ARHGEF28: variants seen among roughly 807,000 people sequenced by gnomAD.
ARHGEF28 encodes the protein Rho guanine nucleotide exchange factor 28.
ARHGEF28 carries 152 observed loss-of-function variants against 206.6 expected under a neutral mutation model. The ratio of observed to expected loss-of-function variants is 0.74; its 90% CI spans 0.64 to 0.84. ARHGEF28 has a LOEUF of 0.84. Among genes scored for constraint, ARHGEF28 ranks in the 40% least tolerant of loss-of-function variants. ARHGEF28 has a pLI of 0.00. For synonymous variants in ARHGEF28, 763 were observed against 776.4 expected (o/e 0.98, Z 0.29); for missense variants, 2,028 against 2,073.2 (o/e 0.98, Z 0.42).
intron 9 of ARHGEF28, among the ~76,000 whole-genome samples, chr5:73,819,987 C>T (rs1035771994): frequency 6.6e-6 from 1 of 152,188 alleles, no homozygotes; most frequent in Admixed American, 6.5e-5. Context: ...TGTATCACAG[C>T]TGTTATTAAA....
At position 73,749,866 on chromosome 5, in the gene ARHGEF28, C is replaced by CA; in HGVS notation, c.68dup (p.Asn23LysfsTer6). 6.2e-7 allele frequency: 1 copy of CA among 1,613,970 alleles called. No homozygotes were observed. Among genetic ancestry groups the CA allele is most frequent in the Non-Finnish European group, 8.5e-7 (1 of 1,179,880 alleles). On this transcript the variant is annotated frameshift_variant, in exon 3 of 36. Transcript: ENST00000513042. LOFTEE classifies it high-confidence loss of function. ...AGATGATGATCTATGCGAAGTTTGA[C>CA]AAAAATGTGTATCTTCCTGAAGATG... is the stretch of plus-strand genomic sequence containing the variant.
intron 18 of ARHGEF28, among the ~76,000 whole-genome samples, chr5:73,867,386 G>T (rs1165375458): frequency 4.6e-5 from 7 of 152,184 alleles, no homozygotes; most frequent in Admixed American, 4.6e-4. Context: ...GCCCAGCTTG[G>T]CTTGCAGGCT....
intron 10 of ARHGEF28, among the ~76,000 whole-genome samples, chr5:73,837,390 A>G (rs187920140): frequency 6.6e-6 from 1 of 152,060 alleles, no homozygotes; most frequent in East Asian, 1.9e-4. Context: ...TTTATGTTTT[A>G]TAGTTTTCAG....
intron 9 of ARHGEF28, among the ~76,000 whole-genome samples, chr5:73,826,636 G>A (rs1321806376): frequency 6.6e-6 from 1 of 152,188 alleles, no homozygotes; most frequent in African/African-American, 2.4e-5. Flanking sequence ...AGTTGAAGAA[G>A]CCCTAGGCTG....
intron 2 of ARHGEF28, among the ~76,000 whole-genome samples, chr5:73,693,289 C>T (rs1747962979): frequency 6.6e-6 from 1 of 152,134 alleles, no homozygotes; most frequent in African/African-American, 2.4e-5. Context: ...TCCTGTCCTG[C>T]AACTGCCTTT....
chr5:73,654,985 T>C (rs1253983468), intron 1 of ARHGEF28, among the ~76,000 whole-genome samples: 1 of 152,202 alleles, frequency 6.6e-6, no homozygotes, highest in African/African-American at 2.4e-5. Flanking sequence ...GAAAGGTTGT[T>C]TGAATACTAA....
rs965679607 is a variant in ARHGEF28 at position 73,706,783 on chromosome 5, G to A, written c.33+21899G>A. ...TAGGGGAGGTCAAGATGCTGCCAGC[G>A]GGGCAAACAACTTCCTTGGTAGGTG... is the stretch of plus-strand genomic sequence containing the variant. On this transcript the variant is annotated intron_variant, in intron 2 of 35. Transcript: ENST00000513042. Among the ~76,000 whole-genome samples the A allele has an allele frequency of 2.0e-5, 3 of 152,264 alleles. No homozygotes were observed. The South Asian group carries it at 6.2e-4, about 32-fold the overall frequency.
At chr5:73,814,103 T>G (rs1033555425) in intron 9 of ARHGEF28, among the ~76,000 whole-genome samples, 7 of 152,130 alleles carry the variant, frequency 4.6e-5, no homozygotes, top group African/African-American at 2.4e-5. Context: ...AGTTTTCAAG[T>G]GTATAGTAAT....
chr5:73,811,007 A>G (rs1177706531), intron 9 of ARHGEF28, among the ~76,000 whole-genome samples: 1 of 152,220 alleles, frequency 6.6e-6, no homozygotes, highest in African/African-American at 2.4e-5. Context: ...TAGCATGTGT[A>G]GCAAGGAGCT....
Position 73,639,466 on chromosome 5 carries a change from A to G in ARHGEF28, c.-12+13144A>G, listed in dbSNP as rs573413359. 7.2e-5 allele frequency among the ~76,000 whole-genome samples: 11 copies of G among 152,046 alleles called. No individual in the cohort carries two copies. In the East Asian group the frequency reaches 2.1e-3, roughly 29 times the overall value. ...AGTAAAAAAATGTGTGTATGTATACATATATATGCACACCATAACTATAAA... is the reference window on the plus strand; with the variant it reads ...AGTAAAAAAATGTGTGTATGTATACGTATATATGCACACCATAACTATAAA... On this transcript the variant is annotated intron_variant, in intron 1 of 35. Transcript: ENST00000513042.
chr5:73,750,424 C>T (rs1751965216), intron 3 of ARHGEF28, among the ~76,000 whole-genome samples: 1 of 151,964 alleles, frequency 6.6e-6, no homozygotes, highest in African/African-American at 2.4e-5. Context: ...ATGGGTCTGC[C>T]TCTCCTCTGC....
rs1362530804 is a variant in ARHGEF28 at position 73,828,092 on chromosome 5, T to C, written c.1025-4246T>C. The C allele has an allele frequency of 1.3e-5, 2 of 150,686 alleles. 1 individual carries two copies. The highest frequency in any genetic ancestry group is 4.2e-4 in the South Asian group (2 of 4,764). 9.3% of individuals were successfully genotyped at this position (150,686 alleles called of 1,614,324 possible). ...AACACTTAAAAAAATGAAACTATTA[T>C]AGCTTTTCCTTTGAATAGGCTGAAA... On this transcript the variant is annotated intron_variant, in intron 9 of 35. Coordinates refer to ENST00000513042, the MANE Select transcript of ARHGEF28 (RefSeq NM_001177693.2).
At chr5:73,888,513 G>A (rs547211961) in intron 26 of ARHGEF28, among the ~76,000 whole-genome samples, 2 of 152,292 alleles carry the variant, frequency 1.3e-5, no homozygotes, top group South Asian at 4.1e-4. Flanking sequence ...CTGTGGGATG[G>A]TGAGGGCCAT....
At chr5:73,634,800 C>A (rs559458444) in intron 1 of ARHGEF28, among the ~76,000 whole-genome samples, 1 of 152,322 alleles carries the variant, frequency 6.6e-6, no homozygotes, top group East Asian at 1.9e-4. Context: ...TAAAAGGAGA[C>A]AAAATACAAA....
chr5:73,911,992 A>G (rs1288206957), intron 35 of ARHGEF28, among the ~76,000 whole-genome samples: 2 of 152,146 alleles, frequency 1.3e-5, no homozygotes, highest in Non-Finnish European at 2.9e-5. Flanking sequence ...TTATCAGGGC[A>G]ATTTCCTGTA....
intron 10 of ARHGEF28, among the ~76,000 whole-genome samples, chr5:73,832,749 A>G (rs1185205701): frequency 6.6e-6 from 1 of 152,170 alleles, no homozygotes; most frequent in African/African-American, 2.4e-5. Flanking sequence ...GTAGGAAATG[A>G]CAACTGTGCA....
At chr5:73,665,916 C>A (rs1745922227) in intron 1 of ARHGEF28, among the ~76,000 whole-genome samples, 1 of 152,120 alleles carries the variant, frequency 6.6e-6, no homozygotes, top group African/African-American at 2.4e-5. Context: ...CCATTTTATC[C>A]CAATAGTCTT....
At chr5:73,893,055 C>A in intron 27 of ARHGEF28, 142 bp from the exon 28 acceptor site, 1 of 611,284 alleles carries the variant, frequency 1.6e-6, no homozygotes, top group Non-Finnish European at 2.7e-6. Flanking sequence ...AGTCTCTGGC[C>A]AGGGGGGATG....
chr5:73,653,886 T>A (rs1274100938), intron 1 of ARHGEF28, among the ~76,000 whole-genome samples: 1 of 152,152 alleles, frequency 6.6e-6, no homozygotes, highest in African/African-American at 2.4e-5. Context: ...GGTGGAAGTG[T>A]ATATGTGGTA....
Sources: gnomAD v4.1 joint callset for allele counts (sites outside exome capture counted in the v4.1 genomes callset) on GRCh38, gnomAD v4.1.1 for gene constraint, MANE v1.5 for transcripts, NCBI Gene and HGNC (gene_info 2026-07-23, HGNC 2026-07-21) for gene names.